Variants in SDK1 observed in about 807,000 individuals in gnomAD.
SDK1 encodes the protein sidekick cell adhesion molecule 1.
SDK1 carries 157 observed loss-of-function variants against 245.5 expected under a neutral mutation model. That is an observed-to-expected ratio of 0.64 (90% CI 0.56 to 0.73). The LOEUF is 0.73. SDK1 is among the 30% of genes least tolerant of loss of function. The pLI is 0.00. For missense variants in SDK1, 3,583 were observed against 3,002.3 expected, an observed-to-expected ratio of 1.19 and a Z score of -4.52; for synonymous variants, 1,647 against 1,278.5, an observed-to-expected ratio of 1.29 and a Z score of -6.15.
At chr7:3,380,805 G>A (rs1345764342) in intron 1 of SDK1, among the ~76,000 whole-genome samples, 1 of 152,078 alleles carries the variant, frequency 6.6e-6, no homozygotes, top group African/African-American at 2.4e-5. Context: ...CTGCTAGTTG[G>A]CTTGTCCTTT....
rs573627926 is a variant in SDK1 at position 3,956,636 on chromosome 7, CT to C, written c.1151-2294del. ...CTAAAACTGCCCAGGACATTGGCCC[CT>C]GCAGGCGGTGGCAGGCTGCCCCCCA... On this transcript the variant is annotated intron_variant, in intron 7 of 44. Coordinates refer to ENST00000404826, the MANE Select transcript of SDK1 (RefSeq NM_152744.4). 1.1e-4 allele frequency among the ~76,000 whole-genome samples: 17 copies of C among 152,350 alleles called. No homozygotes were observed. In the East Asian group the frequency reaches 3.3e-3, roughly 29 times the overall value.
At chr7:3,736,947 T>G (rs1461278062) in intron 4 of SDK1, among the ~76,000 whole-genome samples, 1 of 152,240 alleles carries the variant, frequency 6.6e-6, no homozygotes, top group African/African-American at 2.4e-5. Flanking sequence ...GCCTCAGCCT[T>G]GGCAACCAGC....
At chr7:3,476,095 C>G (rs990009164) in intron 1 of SDK1, 2 of 152,622 alleles carry the variant, frequency 1.3e-5, no homozygotes, top group African/African-American at 4.8e-5. Context: ...CAAACAATTT[C>G]TCTCTGTTTT....
intron 5 of SDK1, among the ~76,000 whole-genome samples, chr7:3,834,110 G>T (rs1361173699): frequency 6.6e-6 from 1 of 152,310 alleles, no homozygotes; most frequent in Non-Finnish European, 1.5e-5. Flanking sequence ...CTATGTAGAA[G>T]AACCAAGGGA....
At chr7:3,802,290 G>A (rs1022988669) in intron 4 of SDK1, among the ~76,000 whole-genome samples, 2 of 152,072 alleles carry the variant, frequency 1.3e-5, no homozygotes, top group Non-Finnish European at 2.9e-5. Flanking sequence ...TTGGGAGGCC[G>A]AGGCAGGAGG....
At chr7:3,813,548 T>C (rs558579964) in intron 4 of SDK1, among the ~76,000 whole-genome samples, 2 of 150,144 alleles carry the variant, frequency 1.3e-5, no homozygotes, top group Non-Finnish European at 3.0e-5. Flanking sequence ...TCTTTGCTAT[T>C]GTGAATAATG....
intron 4 of SDK1, among the ~76,000 whole-genome samples, chr7:3,721,402 C>G (rs1267077800): frequency 1.3e-5 from 2 of 152,170 alleles, no homozygotes; most frequent in Non-Finnish European, 2.9e-5. Context: ...ATGGGTTTCA[C>G]TGTACATTTC....
chr7:3,476,169 A>G lies in SDK1; in HGVS notation c.299-142911A>G, dbSNP rs183181082. On this transcript the variant is annotated intron_variant, in intron 1 of 44. Coordinates refer to ENST00000404826, the MANE Select transcript of SDK1 (RefSeq NM_152744.4). ...CATGAAAGGTTTTGGAGAGCTTCCT[A>G]AAAGGTACGATATGCATATGAAAAC... 82 of 152,700 alleles carry G rather than the reference A, an allele frequency of 5.4e-4. 1 individual carries two copies. The highest frequency in any genetic ancestry group is 1.8e-3 in the African/African-American group (76 of 41,548). 9.5% of individuals were successfully genotyped at this position (152,700 alleles called of 1,614,324 possible). A position where few individuals can be genotyped will look rare whatever the true frequency, so the allele number is the denominator to read the frequency against.
chr7:3,551,841 T>A (rs1015414432), intron 1 of SDK1, among the ~76,000 whole-genome samples: 1 of 152,052 alleles, frequency 6.6e-6, no homozygotes, highest in African/African-American at 2.4e-5. Flanking sequence ...GCACCTGGCC[T>A]AAATTTTTTT....
At chr7:3,960,201 A>G (rs1285257415) in intron 8 of SDK1, among the ~76,000 whole-genome samples, 1 of 152,226 alleles carries the variant, frequency 6.6e-6, no homozygotes, top group Non-Finnish European at 1.5e-5. Context: ...GTACAGTGCC[A>G]AAGGCACTGG....
intron 17 of SDK1, among the ~76,000 whole-genome samples, chr7:4,021,257 C>T (rs376775462): frequency 3.3e-5 from 5 of 152,174 alleles, no homozygotes; most frequent in Admixed American, 1.3e-4. Flanking sequence ...CACTCATGCA[C>T]GGTCACCCCT....
At chr7:3,968,587 A>G (rs934536434) in intron 10 of SDK1, among the ~76,000 whole-genome samples, 1 of 152,228 alleles carries the variant, frequency 6.6e-6, no homozygotes, top group Non-Finnish European at 1.5e-5. Flanking sequence ...ATAGCTTTAT[A>G]TAAAAATGTT....
At chr7:3,678,612 A>C (rs1783991065) in intron 4 of SDK1, among the ~76,000 whole-genome samples, 1 of 152,246 alleles carries the variant, frequency 6.6e-6, no homozygotes, top group Non-Finnish European at 1.5e-5. Context: ...AATAGAAGTC[A>C]TCATGGCCCT....
At position 4,174,814 on chromosome 7, in the gene SDK1, G is replaced by A. The variant is rs542362829; in HGVS notation, c.4936+457G>A. ...GCTCTGCCTGCACTGCGCCATGATC[G>A]TTGCTCTGACGAGGGCCCAGCTGCC... On this transcript the variant is annotated intron_variant, in intron 33 of 44. Coordinates refer to ENST00000404826, the MANE Select transcript of SDK1 (RefSeq NM_152744.4). Among the ~76,000 whole-genome samples, 7 of 152,252 alleles carry A rather than the reference G, an allele frequency of 4.6e-5. No homozygotes were observed. In the East Asian group the frequency reaches 7.8e-4, roughly 17 times the overall value.
At chr7:4,056,806 TGGGTCCCACCAGACCATTCCGCCCC>T (rs1260954793) in intron 19 of SDK1, among the ~76,000 whole-genome samples, 1 of 152,120 alleles carries the variant, frequency 6.6e-6, no homozygotes, top group Non-Finnish European at 1.5e-5. Context: ...CATTCCGCCG[TGGGTCCCACCAGACCATTCCGCCCC>T]GGGTCCCGAC....
chr7:3,489,068 A>AG (rs1301846730), intron 1 of SDK1, among the ~76,000 whole-genome samples: 1 of 152,134 alleles, frequency 6.6e-6, no homozygotes. Flanking sequence ...TCATGGCTTG[A>AG]GGGCCAGTCC....
chr7:3,698,584 G>T (rs115425468), intron 4 of SDK1, among the ~76,000 whole-genome samples: 208 of 152,286 alleles, frequency 1.4e-3, no homozygotes, highest in African/African-American at 4.8e-3. Flanking sequence ...GGCTGCTATA[G>T]TAAAACACCA....
chr7:3,898,537 C>T lies in SDK1; in HGVS notation c.848-52386C>T, dbSNP rs968273933. Among the ~76,000 whole-genome samples, 7 of 152,098 alleles carry T rather than the reference C, an allele frequency of 4.6e-5. No homozygotes were observed. The East Asian group carries it at 7.7e-4, about 17-fold the overall frequency. ...GCCCTTTTCTGATTGGTTTTAGACT[C>T]GGTACATTGCAAATATTTTTCCAAT... On this transcript the variant is annotated intron_variant, in intron 5 of 44. Coordinates refer to ENST00000404826, the MANE Select transcript of SDK1 (RefSeq NM_152744.4).
intron 5 of SDK1, among the ~76,000 whole-genome samples, chr7:3,825,684 C>G (rs536320388): frequency 1.3e-4 from 20 of 152,260 alleles, no homozygotes; most frequent in Admixed American, 2.6e-4. Context: ...TGCAGACTCA[C>G]GTAGGGTTAG....
Sources: gnomAD v4.1 joint callset for allele counts (sites outside exome capture counted in the v4.1 genomes callset) on GRCh38, gnomAD v4.1.1 for gene constraint, MANE v1.5 for transcripts, NCBI Gene and HGNC (gene_info 2026-07-23, HGNC 2026-07-21) for gene names.